PDZRN3: variants seen among roughly 807,000 people sequenced by gnomAD.
The protein encoded by PDZRN3 is E3 ubiquitin-protein ligase PDZRN3.
In PDZRN3, 38 loss-of-function variants were observed where a neutral mutation model predicts 85.7. That is an observed-to-expected ratio of 0.44 (90% CI 0.34 to 0.58). The LOEUF (loss-of-function observed/expected upper bound fraction) is 0.58, where lower values mean the gene tolerates loss of function less well. Ranked by LOEUF, PDZRN3 falls within the 20% of genes least tolerant of loss-of-function variation. The pLI is 0.01. For synonymous variants in PDZRN3, 759 were observed against 638.0 expected (o/e 1.19, Z -2.86); for missense variants, 1,629 against 1,506.4 (o/e 1.08, Z -1.35).
chr3:73,444,867 A>G (rs895760926), intron 3 of PDZRN3, among the ~76,000 whole-genome samples: 1 of 152,386 alleles, frequency 6.6e-6, no homozygotes, highest in African/African-American at 2.4e-5. Context: ...AAGCCAGGCC[A>G]GAGCCACACG....
At chr3:73,497,496 T>C (rs1703887664) in intron 3 of PDZRN3, among the ~76,000 whole-genome samples, 1 of 152,232 alleles carries the variant, frequency 6.6e-6, no homozygotes, top group Non-Finnish European at 1.5e-5. Context: ...CTGCTGATAT[T>C]AGAGGTGCAT....
At chr3:73,551,966 T>C (rs1470809763) in intron 3 of PDZRN3, among the ~76,000 whole-genome samples, 3 of 152,216 alleles carry the variant, frequency 2.0e-5, no homozygotes, top group African/African-American at 4.8e-5. Flanking sequence ...TGCTAGGCAG[T>C]GGCTGAGCTG....
intron 3 of PDZRN3, chr3:73,569,521 C>T: frequency 9.5e-7 from 1 of 1,049,486 alleles, no homozygotes; most frequent in Non-Finnish European, 1.1e-6. Context: ...AGATCAGCTG[C>T]TCCTCAGTGA....
intron 3 of PDZRN3, among the ~76,000 whole-genome samples, chr3:73,519,691 T>C (rs1387893597): frequency 6.6e-6 from 1 of 152,260 alleles, no homozygotes; most frequent in East Asian, 1.9e-4. Flanking sequence ...TCAAGTTACG[T>C]CAAGCTATGG....
rs541102783 is a variant in PDZRN3 at position 73,529,569 on chromosome 3, C to T, written c.918+72785G>A. ...CATTTCTAATTCAAGCCAGCAAGTA[C>T]TGGCTTTCTATTATCCGCAAAGCAC... On this transcript the variant is annotated intron_variant, in intron 3 of 9. Coordinates refer to ENST00000263666, the MANE Select transcript of PDZRN3 (RefSeq NM_015009.3). 3.3e-5 allele frequency among the ~76,000 whole-genome samples: 5 copies of T among 152,344 alleles called. No homozygotes were observed. The South Asian group carries it at 8.3e-4, about 25-fold the overall frequency.
chr3:73,618,993 C>T (rs2106917815), intron 1 of PDZRN3, among the ~76,000 whole-genome samples: 1 of 152,266 alleles, frequency 6.6e-6, no homozygotes, highest in Non-Finnish European at 1.5e-5. Flanking sequence ...ACATCTGGAA[C>T]ACCTTTTGAT....
chr3:73,552,823 T>TA (rs1171949708), intron 3 of PDZRN3, among the ~76,000 whole-genome samples: 1 of 152,214 alleles, frequency 6.6e-6, no homozygotes, highest in African/African-American at 2.4e-5. Flanking sequence ...AGAAGGAAGG[T>TA]AAATATTTCT....
chr3:73,438,971 A>T (rs1026737453), intron 3 of PDZRN3, among the ~76,000 whole-genome samples: 6 of 152,136 alleles, frequency 3.9e-5, no homozygotes, highest in African/African-American at 1.4e-4. Context: ...CTCTGCCTGG[A>T]ATGCTCAATT....
Position 73,402,967 on chromosome 3 carries a change from G to A in PDZRN3, c.1166+1181C>T, listed in dbSNP as rs1035549280. ...TTTTTTTTTTTTTTTTTTTTGAGAC[G>A]GAGTCTCGCTCTGTTGCCCAGGCTG... On this transcript the variant is annotated intron_variant, in intron 4 of 9. Coordinates refer to ENST00000263666, the MANE Select transcript of PDZRN3 (RefSeq NM_015009.3). Among the ~76,000 whole-genome samples the A allele has an allele frequency of 1.7e-4, 20 of 117,530 alleles. No individual in the cohort carries two copies. The East Asian group carries it at 3.6e-3, about 21-fold the overall frequency. 77.1% of individuals were successfully genotyped at this position (117,530 alleles called of 152,430 possible).
intron 3 of PDZRN3, among the ~76,000 whole-genome samples, chr3:73,422,867 A>G (rs1702231914): frequency 6.6e-6 from 1 of 152,204 alleles, no homozygotes; most frequent in African/African-American, 2.4e-5. Context: ...ACTCAGTCCA[A>G]TGCTATAAAT....
chr3:73,413,689 T>C (rs915910972), intron 3 of PDZRN3, among the ~76,000 whole-genome samples: 1 of 152,076 alleles, frequency 6.6e-6, no homozygotes, highest in Non-Finnish European at 1.5e-5. Context: ...GCCGAGGTGT[T>C]CACCGGTGAC....
chr3:73,578,264 G>T (rs1409985635), intron 3 of PDZRN3, among the ~76,000 whole-genome samples: 1 of 150,750 alleles, frequency 6.6e-6, no homozygotes, highest in Non-Finnish European at 1.5e-5. Context: ...CCACCTCCCA[G>T]GTCCACGCGA....
At chr3:73,517,045 T>G (rs1339415353) in intron 3 of PDZRN3, among the ~76,000 whole-genome samples, 1 of 152,166 alleles carries the variant, frequency 6.6e-6, no homozygotes, top group Admixed American at 6.5e-5. Flanking sequence ...GAATACAAAG[T>G]GCTTATTTCA....
chr3:73,474,697 G>T, intron 3 of PDZRN3: 2 of 896,112 alleles, frequency 2.2e-6, no homozygotes, highest in Non-Finnish European at 2.8e-6. Flanking sequence ...CAAAAGAGGA[G>T]CAGCAGGAGC....
intron 3 of PDZRN3, among the ~76,000 whole-genome samples, chr3:73,484,922 C>T (rs182399622): frequency 1.3e-3 from 201 of 152,218 alleles, no homozygotes; most frequent in African/African-American, 4.6e-3. Flanking sequence ...GAAACCAGGG[C>T]GAGCCAACCT....
intron 3 of PDZRN3, among the ~76,000 whole-genome samples, chr3:73,574,616 GC>G (rs2106856980): frequency 6.6e-6 from 1 of 152,116 alleles, no homozygotes; most frequent in South Asian, 2.1e-4. Context: ...CTACCACCAC[GC>G]CCGGCTAATT....
chr3:73,589,049 AT>A (rs11341187), intron 3 of PDZRN3, among the ~76,000 whole-genome samples: 87,876 of 140,470 alleles, frequency 0.63, 26,637 homozygotes, highest in East Asian at 0.67. Context: ...AGAAGATATG[AT>A]TTTTTTTTTT....
At chr3:73,519,035 G>A (rs1704303941) in intron 3 of PDZRN3, among the ~76,000 whole-genome samples, 1 of 152,206 alleles carries the variant, frequency 6.6e-6, no homozygotes, top group Admixed American at 6.5e-5. Flanking sequence ...GGTGCAGTGA[G>A]TTCAGGAAAC....
chr3:73,431,893 A>G (rs981118086), intron 3 of PDZRN3, among the ~76,000 whole-genome samples: 5 of 152,148 alleles, frequency 3.3e-5, no homozygotes, highest in African/African-American at 9.7e-5. Flanking sequence ...CTGAGCACAA[A>G]TGATACAGAA....
Sources: gnomAD v4.1 joint callset for allele counts (sites outside exome capture counted in the v4.1 genomes callset) on GRCh38, gnomAD v4.1.1 for gene constraint, MANE v1.5 for transcripts, NCBI Gene and HGNC (gene_info 2026-07-23, HGNC 2026-07-21) for gene names.